Variants in ADGRL3 observed in about 807,000 individuals in gnomAD.
ADGRL3 encodes the protein calcium-independent alpha-latrotoxin receptor 3.
In ADGRL3, 62 loss-of-function variants were observed where a neutral mutation model predicts 153.5. That is an observed-to-expected ratio of 0.40 (90% confidence interval 0.33 to 0.50). The LOEUF is 0.50. ADGRL3 is among the 20% of genes least tolerant of loss of function. The probability of loss-of-function intolerance (pLI) is 0.47; values close to 1 mark genes in which losing one functional copy is unlikely to be tolerated. For missense variants in ADGRL3, 1,641 were observed against 1,859.4 expected, an observed-to-expected ratio of 0.88 and a Z score of 2.16; for synonymous variants, 710 against 672.5, an observed-to-expected ratio of 1.06 and a Z score of -0.86.
At chr4:61,750,670 G>A (rs1041612000) in intron 8 of ADGRL3, among the ~76,000 whole-genome samples, 2 of 150,992 alleles carry the variant, frequency 1.3e-5, no homozygotes, top group African/African-American at 2.4e-5. Context: ...GGCGCCTGTA[G>A]TCCCAGCTAC....
At chr4:61,725,269 C>T (rs546567680) in intron 6 of ADGRL3, among the ~76,000 whole-genome samples, 15 of 152,196 alleles carry the variant, frequency 9.9e-5, no homozygotes, top group Non-Finnish European at 1.6e-4. Context: ...GTATTTGTGC[C>T]TCAGTTTCCC....
chr4:61,329,062 AAAAAGAG>A (rs1560479919), intron 1 of ADGRL3, among the ~76,000 whole-genome samples: 1 of 152,178 alleles, frequency 6.6e-6, no homozygotes, highest in African/African-American at 2.4e-5. Context: ...GTTGCTCAAC[AAAAAGAG>A]CTAAATTGAG....
intron 1 of ADGRL3, among the ~76,000 whole-genome samples, chr4:61,318,647 G>T (rs1223997754): frequency 6.6e-6 from 1 of 152,102 alleles, no homozygotes; most frequent in African/African-American, 2.4e-5. Flanking sequence ...CATGACAAAA[G>T]CATTATGAAT....
At chr4:61,221,297 A>G (rs889338234) in intron 1 of ADGRL3, among the ~76,000 whole-genome samples, 1 of 152,294 alleles carries the variant, frequency 6.6e-6, no homozygotes, top group Admixed American at 6.5e-5. Context: ...TTTTGAAGCC[A>G]GGTTTTCTGA....
intron 25 of ADGRL3, among the ~76,000 whole-genome samples, chr4:62,056,730 T>A (rs772252336): frequency 2.6e-5 from 4 of 152,072 alleles, no homozygotes; most frequent in African/African-American, 4.8e-5. Flanking sequence ...TTATATACGT[T>A]AATGTATATA....
chr4:61,649,448 G>A (rs1163525761), intron 5 of ADGRL3, among the ~76,000 whole-genome samples: 1 of 152,016 alleles, frequency 6.6e-6, no homozygotes, highest in African/African-American at 2.4e-5. Context: ...GTCCTCCATA[G>A]ATTTGTAGGT....
At chr4:61,983,753 G>T (rs1454090794) in intron 19 of ADGRL3, 150 bp downstream of exon 19, 3 of 676,834 alleles carry the variant, frequency 4.4e-6, no homozygotes, top group Middle Eastern at 4.2e-4. Context: ...TGGTTATGAT[G>T]TAAAAAGAAA....
intron 2 of ADGRL3, among the ~76,000 whole-genome samples, chr4:61,456,947 T>A (rs1181836029): frequency 6.6e-6 from 1 of 152,062 alleles, no homozygotes; most frequent in African/African-American, 2.4e-5. Flanking sequence ...TTTTTATACA[T>A]GTTTTCATGT....
chr4:61,716,300 G>C (rs941698254), intron 6 of ADGRL3, among the ~76,000 whole-genome samples: 4 of 151,978 alleles, frequency 2.6e-5, no homozygotes, highest in Non-Finnish European at 5.9e-5. Context: ...ATTTTCCTGA[G>C]TACATATCAG....
At chr4:61,245,132 A>G (rs1560380763) in intron 1 of ADGRL3, among the ~76,000 whole-genome samples, 1 of 151,904 alleles carries the variant, frequency 6.6e-6, no homozygotes, top group East Asian at 1.9e-4. Flanking sequence ...AGCACATTCA[A>G]TTTTGCTGTC....
At chr4:61,892,325 A>G (rs892483709) in intron 9 of ADGRL3, among the ~76,000 whole-genome samples, 1 of 152,186 alleles carries the variant, frequency 6.6e-6, no homozygotes, top group East Asian at 1.9e-4. Flanking sequence ...AGTTTTAATC[A>G]TCTAATTGTC....
intron 3 of ADGRL3, among the ~76,000 whole-genome samples, chr4:61,512,811 C>A (rs1024809662): frequency 6.6e-6 from 1 of 151,986 alleles, no homozygotes; most frequent in African/African-American, 2.4e-5. Context: ...ATACTTTGTA[C>A]AAAGGATTAG....
intron 8 of ADGRL3, among the ~76,000 whole-genome samples, chr4:61,784,248 CA>C (rs1309998581): frequency 6.6e-6 from 1 of 152,084 alleles, no homozygotes; most frequent in East Asian, 1.9e-4. Flanking sequence ...TGGTTTTGAA[CA>C]GCCTATATCA....
At chr4:61,366,106 T>C (rs188655522) in intron 1 of ADGRL3, among the ~76,000 whole-genome samples, 1 of 151,460 alleles carries the variant, frequency 6.6e-6, no homozygotes, top group East Asian at 1.9e-4. Flanking sequence ...AGATTAGTTT[T>C]AGGGAAAATT....
chr4:61,798,159 A>G (rs937192260), intron 8 of ADGRL3, among the ~76,000 whole-genome samples: 2 of 152,112 alleles, frequency 1.3e-5, no homozygotes, highest in Non-Finnish European at 1.5e-5. Flanking sequence ...TAACTTTTAC[A>G]CTATTGTCTT....
intron 8 of ADGRL3, among the ~76,000 whole-genome samples, chr4:61,806,361 G>A (rs2097552187): frequency 1.3e-5 from 2 of 151,750 alleles, no homozygotes; most frequent in Non-Finnish European, 2.9e-5. Flanking sequence ...GTGTGTGTGT[G>A]TATGTGTGTA....
At chr4:61,644,235 A>C (rs1407214458) in intron 5 of ADGRL3, among the ~76,000 whole-genome samples, 1 of 147,254 alleles carries the variant, frequency 6.8e-6, no homozygotes, top group South Asian at 2.2e-4. Flanking sequence ...CCTTTCAAAA[A>C]ACCAGCTCCT....
At chr4:61,323,381 T>A (rs1029819681) in intron 1 of ADGRL3, among the ~76,000 whole-genome samples, 1 of 143,720 alleles carries the variant, frequency 7.0e-6, no homozygotes, top group Admixed American at 7.4e-5. Context: ...CTGGTTTGAA[T>A]TTCTCCTCAA....
intron 9 of ADGRL3, among the ~76,000 whole-genome samples, chr4:61,857,374 C>G (rs958396123): frequency 3.9e-5 from 6 of 152,048 alleles, no homozygotes; most frequent in Non-Finnish European, 5.9e-5. Flanking sequence ...ATAAGATTAT[C>G]AAATCATTCT....
Sources: allele counts gnomAD v4.1 joint callset (sites outside exome capture counted in the v4.1 genomes callset), GRCh38; gene constraint gnomAD v4.1.1; transcripts MANE v1.5; gene names NCBI Gene and HGNC (gene_info 2026-07-23, HGNC 2026-07-21).